The following GRID1 variants were observed in gnomAD, a reference collection of about 807,000 sequenced individuals.
GRID1 encodes glutamate ionotropic receptor delta type subunit 1.
In GRID1, 28 loss-of-function variants were observed where a neutral mutation model predicts 98.0. That is an observed-to-expected ratio of 0.29 (90% CI 0.21 to 0.39). The LOEUF (loss-of-function observed/expected upper bound fraction) is 0.39. Ranked by LOEUF, GRID1 falls within the 10% of genes least tolerant of loss-of-function variation. The pLI is 1.00. For missense variants in GRID1, 1,111 were observed against 1,340.5 expected (o/e 0.83, Z 2.67); for synonymous variants, 553 against 538.5 (o/e 1.03, Z -0.37).
At chr10:86,010,809 G>A (rs1250381977) in intron 4 of GRID1, among the ~76,000 whole-genome samples, 1 of 123,150 alleles carries the variant, frequency 8.1e-6, no homozygotes, top group African/African-American at 2.9e-5. Flanking sequence ...CAGAGACTAT[G>A]TCTCCAAAAA....
intron 8 of GRID1, among the ~76,000 whole-genome samples, chr10:85,773,379 C>T (rs1490277267): frequency 6.6e-6 from 1 of 152,186 alleles, no homozygotes; most frequent in African/African-American, 2.4e-5. Context: ...ACTGAATGGG[C>T]AAAAACTGGA....
intron 4 of GRID1, among the ~76,000 whole-genome samples, chr10:86,051,482 T>C (rs1454590112): frequency 2.0e-5 from 3 of 150,646 alleles, no homozygotes; most frequent in African/African-American, 7.3e-5. Context: ...GATTTTACCA[T>C]ATATAAATCA....
chr10:86,243,583 A>T lies in GRID1; in HGVS notation c.236-36935T>A, dbSNP rs575170496. On this transcript the variant is annotated intron_variant, in intron 2 of 15. Coordinates refer to ENST00000327946, the MANE Select transcript of GRID1 (RefSeq NM_017551.3). ...AAACAATAATGAAAACAGCTAACACAGAGGGAGCAGTTCCTCTATGCCAGG... is the reference window on the plus strand; with the variant it reads ...AAACAATAATGAAAACAGCTAACACTGAGGGAGCAGTTCCTCTATGCCAGG... Among the ~76,000 whole-genome samples, 3 of 152,330 alleles carry T rather than the reference A, an allele frequency of 2.0e-5. No homozygotes were observed. In the South Asian group the frequency reaches 6.2e-4, roughly 32 times the overall value.
At chr10:85,922,470 C>A (rs1381010868) in intron 4 of GRID1, among the ~76,000 whole-genome samples, 1 of 152,166 alleles carries the variant, frequency 6.6e-6, no homozygotes, top group African/African-American at 2.4e-5. Flanking sequence ...CTAGGCATCC[C>A]CCCAACACTG....
chr10:85,757,218 C>T (rs1842107894), intron 8 of GRID1, among the ~76,000 whole-genome samples: 1 of 152,306 alleles, frequency 6.6e-6, no homozygotes, highest in East Asian at 1.9e-4. Flanking sequence ...TACCTAATCT[C>T]GCTTGGAAGA....
intron 8 of GRID1, among the ~76,000 whole-genome samples, chr10:85,822,771 A>C (rs2131753499): frequency 6.6e-6 from 1 of 152,304 alleles, no homozygotes; most frequent in African/African-American, 2.4e-5. Context: ...CACAATAGCA[A>C]AGACTTGGAA....
At chr10:86,363,813 G>A in intron 2 of GRID1, 128 bp downstream of exon 2, 2 of 765,878 alleles carry the variant, frequency 2.6e-6, no homozygotes, top group Non-Finnish European at 4.1e-6. Context: ...CACCGCGCAT[G>A]GCACCGCGGC....
chr10:85,931,590 T>C (rs921271068), intron 4 of GRID1, among the ~76,000 whole-genome samples: 2 of 152,214 alleles, frequency 1.3e-5, no homozygotes, highest in African/African-American at 2.4e-5. Context: ...TTCTTTTTCA[T>C]AGCAACCTGT....
chr10:85,734,940 C>T (rs960899979), intron 8 of GRID1, among the ~76,000 whole-genome samples: 1 of 152,152 alleles, frequency 6.6e-6, no homozygotes, highest in African/African-American at 2.4e-5. Context: ...AGACATGCAT[C>T]CCTCCCCCAT....
At chr10:85,792,793 G>C (rs935722404) in intron 8 of GRID1, among the ~76,000 whole-genome samples, 1 of 152,178 alleles carries the variant, frequency 6.6e-6, no homozygotes, top group African/African-American at 2.4e-5. Context: ...GTCCTGCAGG[G>C]AGTAGGCCAC....
At chr10:86,128,274 GCATCTCCCTGGGGTAGGAAACCCTC>G (rs748263469) in intron 4 of GRID1, among the ~76,000 whole-genome samples, 10 of 152,130 alleles carry the variant, frequency 6.6e-5, no homozygotes, top group Non-Finnish European at 1.0e-4. Flanking sequence ...TTCAAGTCCT[GCATCTCCCTGGGGTAGGAAACCCTC>G]CATCTGCCCT....
intron 8 of GRID1, among the ~76,000 whole-genome samples, chr10:85,751,076 A>G (rs2132686189): frequency 1.3e-5 from 2 of 152,316 alleles, no homozygotes; most frequent in South Asian, 4.1e-4. Context: ...CTCTGGGAGA[A>G]AAGGACATGA....
At chr10:86,232,503 C>T (rs186095544) in intron 2 of GRID1, among the ~76,000 whole-genome samples, 3 of 152,302 alleles carry the variant, frequency 2.0e-5, no homozygotes, top group East Asian at 3.9e-4. Context: ...TATTTCCCAC[C>T]CATCCTGAAC....
chr10:86,164,407 C>T (rs1845368259), intron 3 of GRID1, among the ~76,000 whole-genome samples: 1 of 152,136 alleles, frequency 6.6e-6, no homozygotes, highest in Non-Finnish European at 1.5e-5. Context: ...CCCTGAACCC[C>T]GCAGCCTGAA....
chr10:85,769,693 G>T (rs1842236402), intron 8 of GRID1, among the ~76,000 whole-genome samples: 1 of 152,210 alleles, frequency 6.6e-6, no homozygotes, highest in African/African-American at 2.4e-5. Flanking sequence ...GGCTCGGAGG[G>T]TCCTACACCC....
At chr10:86,156,454 A>C (rs976570958) in intron 3 of GRID1, among the ~76,000 whole-genome samples, 2 of 152,148 alleles carry the variant, frequency 1.3e-5, no homozygotes, top group Non-Finnish European at 2.9e-5. Context: ...AGCTGGTAGG[A>C]GACTCAGGAG....
intron 2 of GRID1, among the ~76,000 whole-genome samples, chr10:86,302,523 A>C (rs924555670): frequency 2.0e-5 from 3 of 152,164 alleles, no homozygotes; most frequent in African/African-American, 7.2e-5. Flanking sequence ...TCGCAGTGAA[A>C]GGTTTGTGGA....
chr10:86,109,123 AT>A (rs1454852526), intron 4 of GRID1, among the ~76,000 whole-genome samples: 1 of 152,052 alleles, frequency 6.6e-6, no homozygotes, highest in Non-Finnish European at 1.5e-5. Context: ...GTGGTTATAG[AT>A]TGAGTATATT....
chr10:86,307,603 A>G (rs1847776055), intron 2 of GRID1, among the ~76,000 whole-genome samples: 1 of 152,228 alleles, frequency 6.6e-6, no homozygotes, highest in Non-Finnish European at 1.5e-5. Flanking sequence ...TAAGTTCTAA[A>G]GATCTAATGC....
Sources: gnomAD v4.1 joint callset for allele counts (sites outside exome capture counted in the v4.1 genomes callset) on GRCh38, gnomAD v4.1.1 for gene constraint, MANE v1.5 for transcripts, NCBI Gene and HGNC (gene_info 2026-07-23, HGNC 2026-07-21) for gene names.